AKR1C4: variants seen among roughly 807,000 people sequenced by gnomAD.
The protein encoded by AKR1C4 is aldo-keto reductase family 1 member C4.
A neutral mutation model predicts 41.0 loss-of-function variants in AKR1C4; 44 were observed. The observed-to-expected ratio is 1.07, with a 90% CI of 0.84 to 1.38. The LOEUF is 1.38. Ranked by LOEUF, AKR1C4 falls within the 40% of genes most tolerant of loss-of-function variation. AKR1C4 has a pLI of 0.00. For synonymous variants in AKR1C4, 165 were observed against 137.7 expected, an observed-to-expected ratio of 1.20 and a Z score of -1.39; for missense variants, 438 against 387.9, an observed-to-expected ratio of 1.13 and a Z score of -1.09.
At chr10:5,200,877 G>C (rs150151153) in intron 2 of AKR1C4, among the ~76,000 whole-genome samples, 5 of 152,108 alleles carry the variant, frequency 3.3e-5, no homozygotes, top group African/African-American at 1.2e-4. Context: ...TTCCATTCCT[G>C]AATTACTTTA....
intron 2 of AKR1C4, among the ~76,000 whole-genome samples, chr10:5,202,939 T>TGTGTGTGTG (rs1832423115): frequency 7.9e-5 from 11 of 139,270 alleles, no homozygotes; most frequent in African/African-American, 2.8e-4. Context: ...TAGTTTTCTT[T>TGTGTGTGTG]TGTGTGTGTG....
At chr10:5,209,454 G>C (rs904218194) in intron 5 of AKR1C4, among the ~76,000 whole-genome samples, 1 of 152,012 alleles carries the variant, frequency 6.6e-6, no homozygotes, top group Admixed American at 6.6e-5. Context: ...ACTGCTCTCA[G>C]ATATGCCAAA....
intron 8 of AKR1C4, among the ~76,000 whole-genome samples, chr10:5,218,195 C>T (rs113888004): frequency 3.3e-5 from 5 of 152,210 alleles, no homozygotes; most frequent in African/African-American, 9.6e-5. Context: ...AATATGGAAC[C>T]CCATATCACA....
At chr10:5,201,689 G>A (rs1832402245) in intron 2 of AKR1C4, among the ~76,000 whole-genome samples, 1 of 152,044 alleles carries the variant, frequency 6.6e-6, no homozygotes, top group South Asian at 2.1e-4. Context: ...CAATGTACAG[G>A]CCAATGTTAA....
Position 5,207,691 on chromosome 10 carries a change from G to A in AKR1C4, c.570+1294G>A, listed in dbSNP as rs918903027. 5.4e-6 allele frequency: 4 copies of A among 741,426 alleles called. No individual in the cohort carries two copies. The African/African-American group carries it at 7.3e-5, about 14-fold the overall frequency. 45.9% of individuals were successfully genotyped at this position (741,426 alleles called of 1,614,324 possible). A position where few individuals can be genotyped will look rare whatever the true frequency, so the allele number is the denominator to read the frequency against. ...AGGACATGAAATAAAGGAAGGACTT[G>A]AGAAACTCCATGATGTGATAATGAA... On this transcript the variant is annotated intron_variant, in intron 5 of 8. Coordinates refer to ENST00000263126, the MANE Select transcript of AKR1C4 (RefSeq NM_001818.5).
chr10:5,197,576 C>T (rs1489260379), intron 1 of AKR1C4, among the ~76,000 whole-genome samples: 1 of 152,210 alleles, frequency 6.6e-6, no homozygotes, highest in Non-Finnish European at 1.5e-5. Context: ...ATTTTTGGTC[C>T]GTGTTAATAT....
chr10:5,212,689 C>T lies in AKR1C4; in HGVS notation c.644C>T (p.Ala215Val), dbSNP rs1554798069. Residue 215 changes from alanine to valine, a missense_variant, in exon 6 of 9, where the codon GCC (alanine) becomes GTC (valine). Ala to Val is a moderately conservative substitution (Grantham distance 64, BLOSUM62 0). Coordinates refer to ENST00000263126, the MANE Select transcript of AKR1C4 (RefSeq NM_001818.5). Reference sequence around the variant, plus strand: ...AAGTCAAAAGACATTGTTCTGGTTGCCCACAGTGCTCTGGGAACCCAACGA... The same window carrying T: ...AAGTCAAAAGACATTGTTCTGGTTGTCCACAGTGCTCTGGGAACCCAACGA... ...FCKSKDIVLV[A>V]HSALGTQRHK... The T allele has an allele frequency of 1.9e-6, 3 of 1,614,014 alleles. No individual in the cohort carries two copies. Among genetic ancestry groups the T allele is most frequent in the Admixed American group, 3.3e-5 (2 of 60,002 alleles).
rs138767311 is a variant in AKR1C4 at position 5,204,408 on chromosome 10, T to C, written c.284T>C (p.Val95Ala). 19 of 1,613,876 alleles carry C rather than the reference T, an allele frequency of 1.2e-5. No individual in the cohort carries two copies. The highest frequency in any genetic ancestry group is 7.6e-6 in the Non-Finnish European group (9 of 1,179,906). ...TGCACTTTCTTTCAACCACAGATGGTCCAACCAGCCTTGGAAAGCTCACTG... is the reference window on the plus strand; with the variant it reads ...TGCACTTTCTTTCAACCACAGATGGCCCAACCAGCCTTGGAAAGCTCACTG... ...LWCTFFQPQM[V>A]QPALESSLKK... The change falls in exon 3 of 9, where the codon GTC becomes GCC. Residue 95 changes from valine to alanine, a missense_variant. Coordinates refer to ENST00000263126, the MANE Select transcript of AKR1C4 (RefSeq NM_001818.5).
At chr10:5,209,900 C>T (rs1564403140) in intron 5 of AKR1C4, among the ~76,000 whole-genome samples, 1 of 152,190 alleles carries the variant, frequency 6.6e-6, no homozygotes, top group Non-Finnish European at 1.5e-5. Context: ...CATGTCCTCA[C>T]AATTCAAAAC....
At chr10:5,213,684 A>G (rs533086741) in intron 7 of AKR1C4, among the ~76,000 whole-genome samples, 1 of 152,308 alleles carries the variant, frequency 6.6e-6, no homozygotes, top group East Asian at 1.9e-4. Context: ...AAAACCATTT[A>G]TTTAACTGAC....
Position 5,205,804 on chromosome 10 carries a change from C to T in AKR1C4, c.417C>T (p.Phe139=), listed in dbSNP as rs781821647. ...LPKDENGKVI[F]DTVDLSATWE... is the part of the protein sequence containing the mutation. ...AAGATGAAAATGGAAAAGTAATATT[C>T]GACACAGTGGATCTCTCTGCCACAT... is the stretch of plus-strand genomic sequence containing the variant. Residue 139 remains phenylalanine (F), a synonymous_variant, in exon 4 of 9, where the codon TTC becomes TTT. Coordinates refer to ENST00000263126, the MANE Select transcript of AKR1C4 (RefSeq NM_001818.5). 6.2e-6 allele frequency: 10 copies of T among 1,613,166 alleles called. No homozygotes were observed. Among genetic ancestry groups the T allele is most frequent in the South Asian group, 4.4e-5 (4 of 91,020 alleles).
rs1554796751 is a variant in AKR1C4, at chr10:5,200,196, G to A, written c.100G>A (p.Ala34Thr). The A allele has an allele frequency of 1.2e-6, 2 of 1,613,684 alleles. No individual in the cohort carries two copies. The highest frequency in any genetic ancestry group is 1.1e-5 in the South Asian group (1 of 91,010). ...GCTCCTTCAGGTTCCGAGGAACAGA[G>A]CTGTAGAGGTCACCAAATTAGCAAT... ...YAPPEVPRNR[A>T]VEVTKLAIEA... Residue 34 changes from alanine to threonine, a missense_variant, in exon 2 of 9, where the codon GCT (alanine) becomes ACT (threonine). Physicochemically the swap from Ala to Thr is moderately conservative, Grantham distance 58 (BLOSUM62 0). Coordinates refer to ENST00000263126, the MANE Select transcript of AKR1C4 (RefSeq NM_001818.5).
At chr10:5,202,594 G>T (rs953481273) in intron 2 of AKR1C4, 1 of 338,068 alleles carries the variant, frequency 3.0e-6, no homozygotes, top group Admixed American at 3.3e-5. Flanking sequence ...AGTTTTCAGG[G>T]GAATGCTTTC....
At chr10:5,217,539 C>A (rs1554798643) in intron 8 of AKR1C4, among the ~76,000 whole-genome samples, 1 of 152,204 alleles carries the variant, frequency 6.6e-6, no homozygotes, top group Non-Finnish European at 1.5e-5. Flanking sequence ...GCAGGTGAAT[C>A]ACTTGAAGTC....
At chr10:5,216,855 G>T (rs1294082634) in intron 8 of AKR1C4, 62 bp downstream of exon 8, 14 of 1,211,974 alleles carry the variant, frequency 1.2e-5, no homozygotes, top group Non-Finnish European at 1.7e-5. Flanking sequence ...TCAGATGGGT[G>T]TTGAAAGTGA....
intron 5 of AKR1C4, 51 bp downstream of exon 5, chr10:5,206,448 G>T: frequency 6.2e-7 from 1 of 1,610,510 alleles, no homozygotes; most frequent in Non-Finnish European, 8.5e-7. Flanking sequence ...CCATCTTCCT[G>T]TCCTACTGCC....
Position 5,218,630 on chromosome 10 carries a change from A to G in AKR1C4, c.930-88A>G. 4.0e-6 allele frequency: 4 copies of G among 1,006,824 alleles called. No individual in the cohort carries two copies. In the East Asian group the frequency reaches 9.8e-5, roughly 25 times the overall value. The allele number at this position is 1,006,824 out of a possible 1,614,324, so 62.4% of individuals were successfully genotyped here. ...AATAAACTTCTTAACATTCACACTA[A>G]TGGCAGCTTCATATAAATTCACTTT... On this transcript the variant is annotated intron_variant, in intron 8 of 8. Coordinates refer to ENST00000263126, the MANE Select transcript of AKR1C4 (RefSeq NM_001818.5).
intron 8 of AKR1C4, 28 bp from the exon 9 acceptor site, chr10:5,218,690 A>C (rs1554798831): frequency 6.5e-7 from 1 of 1,549,126 alleles, no homozygotes; most frequent in South Asian, 1.1e-5. Flanking sequence ...TTTCATCCAT[A>C]TTTATGTACT....
chr10:5,207,563 T>G (rs1832509188), intron 5 of AKR1C4: 3 of 756,040 alleles, frequency 4.0e-6, no homozygotes, highest in Non-Finnish European at 6.3e-6. Context: ...GCTAAGAAAC[T>G]AGACTTGAAG....
Sources: allele counts gnomAD v4.1 joint callset (sites outside exome capture counted in the v4.1 genomes callset), GRCh38; gene constraint gnomAD v4.1.1; transcripts MANE v1.5; gene names NCBI Gene and HGNC (gene_info 2026-07-23, HGNC 2026-07-21).